Variants in HECTD4 observed in about 807,000 individuals in gnomAD.
HECTD4 encodes probable E3 ubiquitin-protein ligase HECTD4.
In HECTD4, 114 loss-of-function variants were observed where a neutral mutation model predicts 471.5. The ratio of observed to expected loss-of-function variants is 0.24; its 90% CI spans 0.21 to 0.28. The LOEUF (loss-of-function observed/expected upper bound fraction) is 0.28. Ranked by LOEUF, HECTD4 falls within the 10% of genes least tolerant of loss-of-function variation. The pLI is 1.00. For synonymous variants in HECTD4, 2,012 were observed against 2,256.0 expected, an observed-to-expected ratio of 0.89 and a Z score of 3.07; for missense variants, 3,866 against 5,651.5, an observed-to-expected ratio of 0.68 and a Z score of 10.13.
At chr12:112,358,108 C>T (rs1480771468) in intron 1 of HECTD4, among the ~76,000 whole-genome samples, 1 of 152,046 alleles carries the variant, frequency 6.6e-6, no homozygotes, top group Non-Finnish European at 1.5e-5. Context: ...GAGGTTGAGG[C>T]ACAAGAAATT....
At position 112,174,087 on chromosome 12, in the gene HECTD4, C is replaced by T. The variant is rs189296563; in HGVS notation, c.11595-1226G>A. The stretch of plus-strand genomic sequence containing the variant: ...CCGCCTCCCAGGTTCAAGTGATTCT[C>T]CTGCCTCAGCCTCCCAAGTAGCTGG... On this transcript the variant is annotated intron_variant, in intron 66 of 75. Transcript: ENST00000682272. Among the ~76,000 whole-genome samples, 611 of 151,936 alleles carry T rather than the reference C, an allele frequency of 4.0e-3. 15 individuals carry two copies. The highest frequency in any genetic ancestry group is 0.038 in the Admixed American group (574 of 15,264).
At chr12:112,275,626 A>C (rs1279393197) in intron 9 of HECTD4, among the ~76,000 whole-genome samples, 1 of 151,984 alleles carries the variant, frequency 6.6e-6, no homozygotes, top group Non-Finnish European at 1.5e-5. Context: ...CAGCATATAT[A>C]TATATATATA....
chr12:112,181,926 T>C (rs960238965), intron 62 of HECTD4, among the ~76,000 whole-genome samples: 21 of 152,044 alleles, frequency 1.4e-4, no homozygotes, highest in Non-Finnish European at 2.6e-4. Context: ...ACCCCGTCTC[T>C]ACTAAAAATA....
chr12:112,315,877 C>T (rs1037248761), intron 2 of HECTD4, among the ~76,000 whole-genome samples: 7 of 118,592 alleles, frequency 5.9e-5, no homozygotes, highest in Middle Eastern at 8.9e-3. Context: ...GCCTAGGCAA[C>T]GGAATGAGAC....
At chr12:112,204,041 G>T (rs578184508) in intron 53 of HECTD4, among the ~76,000 whole-genome samples, 15 of 152,274 alleles carry the variant, frequency 9.9e-5, no homozygotes, top group Admixed American at 5.9e-4. Flanking sequence ...AATGGGCAAA[G>T]AATTTTTTGT....
At chr12:112,322,107 T>C (rs775420232) in intron 1 of HECTD4, 10 of 121,264 alleles carry the variant, frequency 8.2e-5, no homozygotes, top group Non-Finnish European at 1.7e-4. Flanking sequence ...CCTTGTCTGC[T>C]AAAAAAAAAA....
At chr12:112,165,536 A>G (rs944282198) in intron 72 of HECTD4, among the ~76,000 whole-genome samples, 1 of 151,848 alleles carries the variant, frequency 6.6e-6, no homozygotes, top group Non-Finnish European at 1.5e-5. Context: ...TATTTTTAGT[A>G]GAGACGGGGT....
At chr12:112,340,242 A>C (rs1337422180) in intron 1 of HECTD4, among the ~76,000 whole-genome samples, 1 of 152,208 alleles carries the variant, frequency 6.6e-6, no homozygotes, top group Non-Finnish European at 1.5e-5. Flanking sequence ...GCTGATAAGC[A>C]CGAAATGGTT....
chr12:112,211,754 T>C (rs1196488157), intron 49 of HECTD4, among the ~76,000 whole-genome samples: 1 of 152,166 alleles, frequency 6.6e-6, no homozygotes, highest in East Asian at 1.9e-4. Flanking sequence ...AAGGAGAATA[T>C]CAAGGTTTTT....
chr12:112,243,816 T>C lies in HECTD4; in HGVS notation c.4650-55A>G. 6.2e-7 allele frequency: 1 copy of C among 1,610,038 alleles called. No individual in the cohort carries two copies. The highest frequency in any genetic ancestry group is 8.5e-7 in the Non-Finnish European group (1 of 1,176,742). ...ACGAGAAACACACTCAGGGAGCTTG[T>C]TTTGATGAATGCATTCAGCTGCATG... On this transcript the variant is annotated intron_variant, in intron 30 of 75. Transcript: ENST00000682272. This position sits in a 1 kb window ranked among gnomAD's most constrained non-coding sequence, Gnocchi z 6.6.
intron 1 of HECTD4, among the ~76,000 whole-genome samples, chr12:112,367,049 C>T (rs147403454): frequency 1.3e-5 from 2 of 149,062 alleles, no homozygotes; most frequent in African/African-American, 4.9e-5. Flanking sequence ...CGCATGTAAT[C>T]CCAGCACTTT....
At chr12:112,300,515 T>C (rs995825906) in intron 7 of HECTD4, among the ~76,000 whole-genome samples, 2 of 152,222 alleles carry the variant, frequency 1.3e-5, no homozygotes, top group South Asian at 2.1e-4. Flanking sequence ...AATTTCATGA[T>C]GGTGTGGGCA....
intron 3 of HECTD4, 127 bp from the exon 4 acceptor site, chr12:112,313,274 A>G (rs924427462): frequency 1.8e-6 from 1 of 546,778 alleles, no homozygotes; most frequent in Admixed American, 3.9e-5. Flanking sequence ...TTATACAAAT[A>G]TTATTCAAAA....
intron 55 of HECTD4, among the ~76,000 whole-genome samples, chr12:112,195,991 C>T (rs1263627686): frequency 6.6e-6 from 1 of 152,054 alleles, no homozygotes; most frequent in East Asian, 1.9e-4. Flanking sequence ...GTGAGAATCC[C>T]TCTCTACAAA....
Position 112,246,936 on chromosome 12 carries a change from G to A in HECTD4, c.4478C>T (p.Thr1493Met), listed in dbSNP as rs370292832. 11 of 1,612,068 alleles carry A rather than the reference G, an allele frequency of 6.8e-6. 1 individual carries two copies. Among genetic ancestry groups the A allele is most frequent in the South Asian group, 4.4e-5 (4 of 90,970 alleles). The part of the protein sequence containing the change: ...HVTIAAQSGL[T>M]RSISGTPAET... ...AGCAGGGGTCCCAGAGATGCTTCTC[G>A]TGAGGCCCGACTGGGCTGCGATGGT... Residue 1493 changes from threonine (T) to methionine (M), a missense_variant, in exon 29 of 76, where the codon ACG becomes ATG. Coordinates refer to ENST00000682272, the MANE Select transcript of HECTD4 (RefSeq NM_001388303.1).
intron 38 of HECTD4, 57 bp downstream of exon 38, chr12:112,232,947 A>G: frequency 7.1e-7 from 1 of 1,406,564 alleles, no homozygotes; most frequent in Non-Finnish European, 9.8e-7. Flanking sequence ...TGAAAATCTA[A>G]AGCATGACAA....
chr12:112,382,120 C>T lies in HECTD4; in HGVS notation c.9G>A (p.Ser3=). 1.6e-6 allele frequency: 2 copies of T among 1,224,418 alleles called. No homozygotes were observed. The highest frequency in any genetic ancestry group is 2.0e-6 in the Non-Finnish European group (2 of 984,842). The allele number at this position is 1,224,418 out of a possible 1,614,324, so 75.8% of individuals were successfully genotyped here. MG[S]SAAAAAAAAA... is the part of the protein sequence containing the mutation. ...CCGCCGCCGCCGCCGCGGCCGCCGA[C>T]GAGCCCATGGCCCCGGCTGAAGGCT... The change falls in exon 1 of 76, where the codon TCG becomes TCA. Residue 3 remains serine, a synonymous_variant. Transcript: ENST00000682272.
In HECTD4 at chr12:112,213,922, T is replaced by C. The variant is rs1315231866; in HGVS notation, c.7466-1272A>G. On this transcript the variant is annotated intron_variant, in intron 48 of 75. Coordinates refer to ENST00000682272, the MANE Select transcript of HECTD4 (RefSeq NM_001388303.1). The surrounding 1 kb of genome is among the most constrained non-coding windows in gnomAD (Gnocchi z 4.0). ...CTATGGTCCCAGTTACTCAGGAGGCTGAGATGGGAGGGTCACTTGAGCTCA... is the reference window on the plus strand; with the variant it reads ...CTATGGTCCCAGTTACTCAGGAGGCCGAGATGGGAGGGTCACTTGAGCTCA... Among the ~76,000 whole-genome samples, 1 of 151,430 alleles carries C rather than the reference T, an allele frequency of 6.6e-6. No individual in the cohort carries two copies. Among genetic ancestry groups the C allele is most frequent in the Non-Finnish European group, 1.5e-5 (1 of 67,932 alleles).
Position 112,258,392 on chromosome 12 carries a change from C to T in HECTD4, c.3128+104G>A. 3.9e-6 allele frequency: 3 copies of T among 769,892 alleles called. 1 individual carries two copies. In the South Asian group the frequency reaches 7.7e-5, roughly 20 times the overall value. 47.7% of individuals were successfully genotyped at this position (769,892 alleles called of 1,614,324 possible). ...TCATTCTGAAGTCTTTTTCTTTTCA[C>T]AGCTAGATAATCCTTGCTAAAAATC... is the stretch of plus-strand genomic sequence containing the variant. On this transcript the variant is annotated intron_variant, in intron 20 of 75. Coordinates refer to ENST00000682272, the MANE Select transcript of HECTD4 (RefSeq NM_001388303.1).
Sources: allele counts gnomAD v4.1 joint callset (sites outside exome capture counted in the v4.1 genomes callset), GRCh38; gene constraint gnomAD v4.1.1; non-coding constraint Gnocchi (gnomAD v3.1); transcripts MANE v1.5; gene names NCBI Gene and HGNC (gene_info 2026-07-23, HGNC 2026-07-21).